DLGAP1: variants seen among roughly 807,000 people sequenced by gnomAD.
DLGAP1 encodes disks large-associated protein 1.
In DLGAP1, 11 loss-of-function variants were observed where a neutral mutation model predicts 90.8. The observed-to-expected ratio is 0.12, with a 90% CI of 0.08 to 0.20. The LOEUF is 0.20. DLGAP1 is among the 10% of genes least tolerant of loss of function. DLGAP1 has a pLI of 1.00. For synonymous variants in DLGAP1, 558 were observed against 540.7 expected, an observed-to-expected ratio of 1.03 and a Z score of -0.44; for missense variants, 1,050 against 1,333.8, an observed-to-expected ratio of 0.79 and a Z score of 3.31.
chr18:3,718,874 C>T (rs145085955), intron 7 of DLGAP1, among the ~76,000 whole-genome samples: 3,490 of 147,454 alleles, frequency 0.024, 152 homozygotes, highest in African/African-American at 0.084. Flanking sequence ...TGCAGTGAGC[C>T]GAGATTGCGC....
rs567708611 is a variant in DLGAP1 at position 3,612,102 on chromosome 18, T to C, written c.1592-29854A>G. On this transcript the variant is annotated intron_variant, in intron 7 of 12. Transcript: ENST00000315677. ...TTAAGAATATGGCACAGTTCTGTCG[T>C]CCCAGCTGCTTGGAAGGCTGAGGTG... is the stretch of plus-strand genomic sequence containing the variant. 2.5e-4 allele frequency among the ~76,000 whole-genome samples: 38 copies of C among 152,342 alleles called. No homozygotes were observed. The East Asian group carries it at 7.1e-3, about 29-fold the overall frequency.
intron 7 of DLGAP1, among the ~76,000 whole-genome samples, chr18:3,636,495 T>A (rs2146254724): frequency 6.6e-6 from 1 of 151,744 alleles, no homozygotes; most frequent in Non-Finnish European, 1.5e-5. Flanking sequence ...CACTGTAACC[T>A]CCACCTCCCG....
intron 5 of DLGAP1, among the ~76,000 whole-genome samples, chr18:3,779,665 C>T (rs1434406670): frequency 6.6e-6 from 1 of 152,132 alleles, no homozygotes; most frequent in Non-Finnish European, 1.5e-5. Flanking sequence ...ATCCCATCTC[C>T]TCCAGGAAGC....
intron 9 of DLGAP1, among the ~76,000 whole-genome samples, chr18:3,555,770 A>G (rs1409493272): frequency 2.0e-5 from 3 of 152,176 alleles, no homozygotes; most frequent in Non-Finnish European, 2.9e-5. Context: ...AGATCACACC[A>G]TTGGACTCTA....
intron 1 of DLGAP1, among the ~76,000 whole-genome samples, chr18:4,276,943 T>G (rs968606035): frequency 1.3e-5 from 2 of 152,256 alleles, no homozygotes; most frequent in Non-Finnish European, 2.9e-5. Context: ...TATGCATACA[T>G]ATTGGTTCCA....
At chr18:3,929,952 G>A (rs993997223) in intron 3 of DLGAP1, among the ~76,000 whole-genome samples, 1 of 152,162 alleles carries the variant, frequency 6.6e-6, no homozygotes, top group Non-Finnish European at 1.5e-5. Flanking sequence ...CTTGTACCAT[G>A]AACTGCCAGA....
At chr18:3,531,335 G>C (rs2144416962) in intron 10 of DLGAP1, among the ~76,000 whole-genome samples, 1 of 152,142 alleles carries the variant, frequency 6.6e-6, no homozygotes, top group Admixed American at 6.5e-5. Flanking sequence ...TACTCAGGAG[G>C]CTGAGGCAGG....
chr18:3,808,394 C>A (rs2066669246), intron 5 of DLGAP1, among the ~76,000 whole-genome samples: 1 of 152,038 alleles, frequency 6.6e-6, no homozygotes, highest in African/African-American at 2.4e-5. Context: ...GTATTATAGT[C>A]AGGGAAGAAT....
At chr18:4,308,105 G>C (rs563601159) in intron 1 of DLGAP1, among the ~76,000 whole-genome samples, 266 of 152,272 alleles carry the variant, frequency 1.7e-3, no homozygotes, top group Non-Finnish European at 3.0e-3. Context: ...AGGCACTACT[G>C]TTGTTCACTT....
At chr18:3,798,271 C>A (rs145379758) in intron 5 of DLGAP1, among the ~76,000 whole-genome samples, 2 of 152,090 alleles carry the variant, frequency 1.3e-5, no homozygotes, top group East Asian at 1.9e-4. Context: ...CAGTGAGAGA[C>A]GAATAAAGGA....
chr18:4,242,652 C>T (rs775475050), intron 1 of DLGAP1, among the ~76,000 whole-genome samples: 15 of 152,228 alleles, frequency 9.9e-5, no homozygotes, highest in Admixed American at 3.3e-4. Context: ...ACTAGGAACC[C>T]GATACCTGGT....
At chr18:3,781,110 G>A (rs758949906) in intron 5 of DLGAP1, among the ~76,000 whole-genome samples, 1 of 152,056 alleles carries the variant, frequency 6.6e-6, no homozygotes, top group East Asian at 1.9e-4. Context: ...TTGCAGGCAT[G>A]AGCCACTCTG....
At chr18:3,755,758 A>T (rs570120771) in intron 5 of DLGAP1, among the ~76,000 whole-genome samples, 61 of 151,724 alleles carry the variant, frequency 4.0e-4, no homozygotes, top group Non-Finnish European at 8.1e-4. Flanking sequence ...GCAATGGATA[A>T]CACAATTAGA....
intron 1 of DLGAP1, among the ~76,000 whole-genome samples, chr18:4,221,524 T>G (rs2078076192): frequency 6.6e-6 from 1 of 152,110 alleles, no homozygotes; most frequent in African/African-American, 2.4e-5. Context: ...AGTAATTGCA[T>G]GCACCTACTC....
At chr18:3,840,601 C>T (rs371266743) in intron 4 of DLGAP1, among the ~76,000 whole-genome samples, 2 of 152,182 alleles carry the variant, frequency 1.3e-5, no homozygotes, top group East Asian at 3.8e-4. Context: ...ATCTTTTCCA[C>T]ATAAGGTAAC....
At chr18:3,651,171 C>CTTT (rs979971308) in intron 7 of DLGAP1, among the ~76,000 whole-genome samples, 1 of 151,526 alleles carries the variant, frequency 6.6e-6, no homozygotes, top group Non-Finnish European at 1.5e-5. Flanking sequence ...CCATCCTGGC[C>CTTT]AACATGGTGA....
rs566500157 is a variant in DLGAP1, at chr18:4,310,389, T to A, written c.-267+144617A>T. Among the ~76,000 whole-genome samples, 6 of 152,218 alleles carry A rather than the reference T, an allele frequency of 3.9e-5. 1 individual carries two copies. The highest frequency in any genetic ancestry group is 8.8e-5 in the Non-Finnish European group (6 of 68,042). On this transcript the variant is annotated intron_variant, in intron 1 of 12. Transcript: ENST00000315677. Reference sequence around the variant, plus strand: ...ACTGGTGCTTTGAAAAAGTTAAACATCTACAATAAAATTCCAATTGCCATC... The same window carrying A: ...ACTGGTGCTTTGAAAAAGTTAAACAACTACAATAAAATTCCAATTGCCATC...
chr18:4,294,842 G>A (rs1030931011), intron 1 of DLGAP1: 14 of 152,286 alleles, frequency 9.2e-5, no homozygotes, highest in Admixed American at 8.5e-4. Context: ...ATGGGAAACT[G>A]GACAGGGGAT....
At chr18:4,352,354 C>T (rs889672700) in intron 1 of DLGAP1, among the ~76,000 whole-genome samples, 4 of 152,104 alleles carry the variant, frequency 2.6e-5, no homozygotes, top group Non-Finnish European at 5.9e-5. Context: ...GTAGGTGGCA[C>T]TCTCATCAAT....
Sources: gnomAD v4.1 joint callset for allele counts (sites outside exome capture counted in the v4.1 genomes callset) on GRCh38, gnomAD v4.1.1 for gene constraint, MANE v1.5 for transcripts, NCBI Gene and HGNC (gene_info 2026-07-23, HGNC 2026-07-21) for gene names.